The following EPB41 variants were observed in gnomAD, a reference collection of about 807,000 sequenced individuals.
EPB41 encodes the protein erythrocyte membrane protein band 4.1, also known as protein 4.1.
In EPB41, 65 loss-of-function variants were observed where a neutral mutation model predicts 108.0. The observed-to-expected ratio is 0.60, with a 90% confidence interval of 0.49 to 0.74. EPB41 has a LOEUF of 0.74. EPB41 is among the 30% of genes least tolerant of loss of function. EPB41 has a pLI of 0.00. For missense variants in EPB41, 875 were observed against 1,037.0 expected, an observed-to-expected ratio of 0.84 and a Z score of 2.15; for synonymous variants, 336 against 358.9, an observed-to-expected ratio of 0.94 and a Z score of 0.72.
In EPB41 at chr1:29,119,967, G is replaced by C. The variant is rs994910184; in HGVS notation, c.*3155G>C. Reference sequence around the variant, plus strand: ...TGTTTTGGCCTTTCGTAGTAGAAGTGGTTGTAGTGTTTAGATATCTGTTTG... The same window carrying C: ...TGTTTTGGCCTTTCGTAGTAGAAGTCGTTGTAGTGTTTAGATATCTGTTTG... On this transcript the variant is annotated 3_prime_UTR_variant, in exon 21 of 21. Transcript: ENST00000343067. 3.3e-5 allele frequency: 5 copies of C among 152,592 alleles called. No homozygotes were observed. The highest frequency in any genetic ancestry group is 7.3e-5 in the Non-Finnish European group (5 of 68,036). 9.5% of individuals were successfully genotyped at this position (152,592 alleles called of 1,614,324 possible).
intron 16 of EPB41, among the ~76,000 whole-genome samples, chr1:29,076,535 C>T (rs2151184159): frequency 6.6e-6 from 1 of 152,292 alleles, no homozygotes; most frequent in Middle Eastern, 3.4e-3. Flanking sequence ...TGCTTTCCTT[C>T]TGTGACAGTC....
At chr1:28,891,667 G>T (rs1046286687) in intron 1 of EPB41, among the ~76,000 whole-genome samples, 1 of 152,174 alleles carries the variant, frequency 6.6e-6, no homozygotes, top group African/African-American at 2.4e-5. Context: ...AGGTGAGAAT[G>T]TGGTTGCTGG....
chr1:29,068,658 T>A, intron 16 of EPB41: 2 of 913,576 alleles, frequency 2.2e-6, no homozygotes, highest in Middle Eastern at 3.8e-4. Context: ...TCTCTGGGGA[T>A]ACCTCTTCCA....
intron 1 of EPB41, among the ~76,000 whole-genome samples, chr1:28,923,247 C>T (rs558154324): frequency 2.0e-5 from 3 of 151,378 alleles, no homozygotes; most frequent in East Asian, 3.9e-4. Context: ...AGGCGTGTGC[C>T]ACCACACCTG....
At chr1:29,105,650 A>G (rs1666878663) in intron 17 of EPB41, among the ~76,000 whole-genome samples, 1 of 151,140 alleles carries the variant, frequency 6.6e-6, no homozygotes, top group Non-Finnish European at 1.5e-5. Context: ...ATATACCACA[A>G]TTTGTTTATC....
chr1:29,001,069 G>A (rs2096284501), intron 4 of EPB41, among the ~76,000 whole-genome samples: 1 of 152,114 alleles, frequency 6.6e-6, no homozygotes, highest in Non-Finnish European at 1.5e-5. Flanking sequence ...TGGGTGTGGT[G>A]GCTCATGCCT....
At chr1:29,053,416 C>G in intron 12 of EPB41, 104 bp downstream of exon 12, 1 of 1,170,782 alleles carries the variant, frequency 8.5e-7, no homozygotes, top group Non-Finnish European at 1.3e-6. Context: ...CTCATAGACT[C>G]AACAAAGTTA....
intron 4 of EPB41, among the ~76,000 whole-genome samples, chr1:29,004,851 G>C (rs1325272863): frequency 6.6e-6 from 1 of 152,172 alleles, no homozygotes; most frequent in Non-Finnish European, 1.5e-5. Context: ...GTTATTCCTT[G>C]AGTTAAGACA....
intron 16 of EPB41, chr1:29,068,897 T>G (rs533293753): frequency 1.1e-5 from 10 of 887,024 alleles, no homozygotes; most frequent in Middle Eastern, 3.9e-4. Context: ...TTTTTTCTTT[T>G]GGCTATACTA....
chr1:28,980,086 A>C (rs1427623254), intron 1 of EPB41, among the ~76,000 whole-genome samples: 1 of 152,218 alleles, frequency 6.6e-6, no homozygotes. Context: ...TTATCCCAGC[A>C]CTTTGGTAGG....
rs1296826613 is a variant in EPB41 at position 29,056,245 on chromosome 1, AAAC to A, written c.1846-2341_1846-2339del. On this transcript the variant is annotated intron_variant, in intron 12 of 20. Transcript: ENST00000343067. ...CGAGACTCCGTCTCAAAAAAAAAAA[AAAC>A]AAAAAACAACAAAACAAAACAAAAC... is the stretch of plus-strand genomic sequence containing the variant. Among the ~76,000 whole-genome samples the A allele has an allele frequency of 3.3e-5, 5 of 151,752 alleles. No homozygotes were observed. In the East Asian group the frequency reaches 5.8e-4, roughly 18 times the overall value.
At chr1:28,957,230 G>C (rs899439335) in intron 1 of EPB41, among the ~76,000 whole-genome samples, 3 of 152,210 alleles carry the variant, frequency 2.0e-5, no homozygotes, top group Admixed American at 6.5e-5. Context: ...TACTCTGCAG[G>C]GGAAGTAAGA....
At chr1:29,051,100 T>G (rs1359804765) in intron 11 of EPB41, among the ~76,000 whole-genome samples, 3 of 116,204 alleles carry the variant, frequency 2.6e-5, no homozygotes, top group Non-Finnish European at 5.4e-5. Context: ...TTTTTTTTTT[T>G]TTTTTTTTTT....
chr1:29,022,646 G>C (rs1477357073), intron 7 of EPB41, among the ~76,000 whole-genome samples: 1 of 151,954 alleles, frequency 6.6e-6, no homozygotes, highest in African/African-American at 2.4e-5. Context: ...ACTTTAACCT[G>C]GGAGGCGGTG....
In EPB41 at chr1:28,981,494, A is replaced by T. The variant is rs187162473; in HGVS notation, c.-7-5937A>T. Among the ~76,000 whole-genome samples, 663 of 152,320 alleles carry T rather than the reference A, an allele frequency of 4.4e-3. 4 individuals carry two copies. Among genetic ancestry groups the T allele is most frequent in the African/African-American group, 0.015 (628 of 41,558 alleles). ...TGTGAAAGTCTGCCTGCTCTTATGGACCGCCTCTGCACAATTGCCCAGAAT... is the reference window on the plus strand; with the variant it reads ...TGTGAAAGTCTGCCTGCTCTTATGGTCCGCCTCTGCACAATTGCCCAGAAT... On this transcript the variant is annotated intron_variant, in intron 1 of 20. Coordinates refer to ENST00000343067, the MANE Select transcript of EPB41 (RefSeq NM_001376013.1).
intron 4 of EPB41, among the ~76,000 whole-genome samples, chr1:28,998,368 G>C (rs990578743): frequency 6.6e-6 from 1 of 152,170 alleles, no homozygotes; most frequent in Non-Finnish European, 1.5e-5. Flanking sequence ...ACAGGTATAC[G>C]TCCAGGTTGC....
intron 3 of EPB41, among the ~76,000 whole-genome samples, chr1:28,994,746 C>A (rs989442854): frequency 2.7e-5 from 4 of 150,768 alleles, no homozygotes; most frequent in Non-Finnish European, 5.9e-5. Context: ...GCAGCCTCAA[C>A]CTCCTGGGCT....
At chr1:29,092,676 AT>A (rs1661718713) in intron 16 of EPB41, among the ~76,000 whole-genome samples, 1 of 151,886 alleles carries the variant, frequency 6.6e-6, no homozygotes, top group Admixed American at 6.6e-5. Context: ...CCCAATGGTT[AT>A]TTTTTCTGAT....
intron 1 of EPB41, among the ~76,000 whole-genome samples, chr1:28,975,308 G>A (rs1340350468): frequency 6.6e-6 from 1 of 152,144 alleles, no homozygotes; most frequent in Non-Finnish European, 1.5e-5. Context: ...GATCTGATAT[G>A]CAACTGCCTG....
Sources: allele counts gnomAD v4.1 joint callset (sites outside exome capture counted in the v4.1 genomes callset), GRCh38; gene constraint gnomAD v4.1.1; transcripts MANE v1.5; gene names NCBI Gene and HGNC (gene_info 2026-07-23, HGNC 2026-07-21).